Variants in PEPD observed in about 807,000 individuals in gnomAD.
PEPD encodes the protein peptidase D.
Under a neutral mutation model 60.7 loss-of-function variants are expected in PEPD, and 53 were observed. That is an observed-to-expected ratio of 0.87 (90% CI 0.70 to 1.10). The LOEUF (loss-of-function observed/expected upper bound fraction) is 1.10. Ranked by LOEUF, PEPD falls within the 50% of genes least tolerant of loss-of-function variation. The pLI, the probability that PEPD is intolerant of heterozygous loss-of-function variation, is 0.00. For missense variants in PEPD, 711 were observed against 711.9 expected (o/e 1.00, Z 0.01); for synonymous variants, 267 against 284.1 (o/e 0.94, Z 0.60).
intron 3 of PEPD, among the ~76,000 whole-genome samples, chr19:33,504,255 TG>T (rs1970760952): frequency 6.6e-6 from 1 of 151,984 alleles, no homozygotes; most frequent in Non-Finnish European, 1.5e-5. Flanking sequence ...CATGATTTGG[TG>T]GGGTTGATGA....
intron 9 of PEPD, among the ~76,000 whole-genome samples, chr19:33,458,428 T>C (rs921461146): frequency 6.6e-6 from 1 of 150,620 alleles, no homozygotes; most frequent in Non-Finnish European, 1.5e-5. Context: ...GTGTCATATG[T>C]ATGCAGTATG....
intron 12 of PEPD, among the ~76,000 whole-genome samples, chr19:33,401,391 T>G (rs1483160931): frequency 6.6e-6 from 1 of 152,186 alleles, no homozygotes; most frequent in Non-Finnish European, 1.5e-5. Context: ...GGTTGAGCCC[T>G]CCCTGGAGTA....
At chr19:33,417,909 A>C (rs370372654) in intron 9 of PEPD, among the ~76,000 whole-genome samples, 4 of 152,048 alleles carry the variant, frequency 2.6e-5, no homozygotes, top group African/African-American at 9.7e-5. Context: ...GGGCCCACAC[A>C]CTCCCAGCAT....
chr19:33,477,854 G>A lies in PEPD; in HGVS notation c.548+192C>T, dbSNP rs532860967. Among the ~76,000 whole-genome samples the A allele has an allele frequency of 2.6e-5, 4 of 152,202 alleles. No homozygotes were observed. In the South Asian group the frequency reaches 8.3e-4, roughly 32 times the overall value. On this transcript the variant is annotated intron_variant, in intron 7 of 14. Coordinates refer to ENST00000244137, the MANE Select transcript of PEPD (RefSeq NM_000285.4). ...TTTAACTGATGTTTAAGTGACTCAC[G>A]TCCTTTCAAAAAAAGTACGGCCAGT... is the stretch of plus-strand genomic sequence containing the variant.
At chr19:33,484,030 C>CAGGGGAGAGAAGAGAGAAGGGGGT (rs1970355270) in intron 6 of PEPD, among the ~76,000 whole-genome samples, 2 of 152,166 alleles carry the variant, frequency 1.3e-5, no homozygotes, top group Non-Finnish European at 2.9e-5. Context: ...GGGGCAGGGA[C>CAGGGGAGAGAAGAGAGAAGGGGGT]AGGGGAGAGA....
At chr19:33,443,539 A>G (rs1312291985) in intron 9 of PEPD, among the ~76,000 whole-genome samples, 1 of 152,244 alleles carries the variant, frequency 6.6e-6, no homozygotes, top group East Asian at 1.9e-4. Context: ...ATTGCCATGT[A>G]CACAATACCA....
intron 7 of PEPD, among the ~76,000 whole-genome samples, chr19:33,474,259 T>G (rs1970177023): frequency 6.6e-6 from 1 of 152,224 alleles, no homozygotes; most frequent in Non-Finnish European, 1.5e-5. Flanking sequence ...CAAGGAGCAG[T>G]GCAAGAGCCT....
chr19:33,387,765 G>A lies in PEPD; in HGVS notation c.1344+125C>T, dbSNP rs899298831. 12 of 865,162 alleles carry A rather than the reference G, an allele frequency of 1.4e-5. No homozygotes were observed. The African/African-American group carries it at 1.7e-4, about 12-fold the overall frequency. The allele number at this position is 865,162 out of a possible 1,614,324, so 53.6% of individuals were successfully genotyped here. ...CCATCCTGTGACAGACCACACGAAG[G>A]GGCAGGCTAAGCCCACCTCAAGGGA... On this transcript the variant is annotated intron_variant, in intron 14 of 14. Coordinates refer to ENST00000244137, the MANE Select transcript of PEPD (RefSeq NM_000285.4).
chr19:33,443,676 CA>C lies in PEPD; in HGVS notation c.671+19318del, dbSNP rs111740291. On this transcript the variant is annotated intron_variant, in intron 9 of 14. Transcript: ENST00000244137. ...AGAAAAGCCTTTTAAACTCTTATTC[CA>C]AAAAAAAAAAAAGTTTGCTGAACAA... Among the ~76,000 whole-genome samples the C allele has an allele frequency of 7.0e-3, 998 of 142,244 alleles. 16 individuals carry two copies. Among genetic ancestry groups the C allele is most frequent in the South Asian group, 0.044 (202 of 4,546 alleles). The allele number at this position is 142,244 out of a possible 152,430, so 93.3% of individuals were successfully genotyped here.
At chr19:33,422,048 G>A (rs186109609) in intron 9 of PEPD, among the ~76,000 whole-genome samples, 47 of 152,056 alleles carry the variant, frequency 3.1e-4, no homozygotes, top group African/African-American at 9.9e-4. Context: ...CACCAACCCC[G>A]GCTTCCCATC....
chr19:33,520,030 C>T (rs1568516546), intron 1 of PEPD, among the ~76,000 whole-genome samples: 1 of 151,420 alleles, frequency 6.6e-6, no homozygotes, highest in African/African-American at 2.4e-5. Flanking sequence ...TGCCATTGCA[C>T]TCCAGACTGG....
chr19:33,405,811 C>T (rs1036038878), intron 11 of PEPD, among the ~76,000 whole-genome samples: 4 of 152,214 alleles, frequency 2.6e-5, no homozygotes, highest in Non-Finnish European at 5.9e-5. Context: ...GCCCCCTTTT[C>T]GTGTGACGGC....
chr19:33,501,974 A>C (rs1430276232), intron 3 of PEPD, among the ~76,000 whole-genome samples: 1 of 152,202 alleles, frequency 6.6e-6, no homozygotes, highest in African/African-American at 2.4e-5. Context: ...AAGACACAGA[A>C]TGGATGAGGT....
chr19:33,413,142 T>A (rs1402350983), intron 10 of PEPD, among the ~76,000 whole-genome samples: 1 of 152,160 alleles, frequency 6.6e-6, no homozygotes, highest in East Asian at 1.9e-4. Flanking sequence ...CACACCCACA[T>A]AGACACACCA....
At chr19:33,403,581 G>A (rs1288894737) in intron 11 of PEPD, among the ~76,000 whole-genome samples, 1 of 152,186 alleles carries the variant, frequency 6.6e-6, no homozygotes, top group African/African-American at 2.4e-5. Flanking sequence ...CCCATGGGAG[G>A]GAGCCAGGGG....
chr19:33,393,833 G>T (rs1968298059), intron 12 of PEPD, among the ~76,000 whole-genome samples: 1 of 152,012 alleles, frequency 6.6e-6, no homozygotes, highest in Non-Finnish European at 1.5e-5. Context: ...CCAGAGGCCA[G>T]ACCACCCCAA....
chr19:33,491,474 T>C (rs1212884578), intron 5 of PEPD, among the ~76,000 whole-genome samples: 1 of 152,188 alleles, frequency 6.6e-6, no homozygotes, highest in Non-Finnish European at 1.5e-5. Flanking sequence ...TTCAGTGCCA[T>C]AAAGAAATAG....
intron 9 of PEPD, among the ~76,000 whole-genome samples, chr19:33,429,379 C>T (rs968918868): frequency 9.9e-5 from 15 of 152,224 alleles, no homozygotes; most frequent in African/African-American, 3.6e-4. Context: ...AAAGACATTA[C>T]TCCAAAGACA....
chr19:33,478,190 G>C (rs980393168), intron 6 of PEPD, 100 bp from the exon 7 acceptor site: 3 of 793,790 alleles, frequency 3.8e-6, no homozygotes, highest in Non-Finnish European at 6.6e-6. Flanking sequence ...GCATTAAAGA[G>C]GGTCCCACAC....
Sources: gnomAD v4.1 joint callset for allele counts (sites outside exome capture counted in the v4.1 genomes callset) on GRCh38, gnomAD v4.1.1 for gene constraint, MANE v1.5 for transcripts, NCBI Gene and HGNC (gene_info 2026-07-23, HGNC 2026-07-21) for gene names.